The following IQGAP2 variants were observed in gnomAD, a reference collection of about 807,000 sequenced individuals.
The protein encoded by IQGAP2 is ras GTPase-activating-like protein IQGAP2.
IQGAP2 carries 173 observed loss-of-function variants against 201.3 expected under a neutral mutation model. That is an observed-to-expected ratio of 0.86 (90% CI 0.76 to 0.98). IQGAP2 has a LOEUF of 0.98. Ranked by LOEUF, IQGAP2 falls within the 50% of genes least tolerant of loss-of-function variation. The probability of loss-of-function intolerance (pLI) is 0.00; values close to 1 mark genes in which losing one functional copy is unlikely to be tolerated. For synonymous variants in IQGAP2, 675 were observed against 673.9 expected (o/e 1.00, Z -0.03); for missense variants, 1,687 against 1,864.8 (o/e 0.90, Z 1.76).
chr5:76,668,778 C>T lies in IQGAP2; in HGVS notation c.2777C>T (p.Ala926Val). 3 of 1,608,250 alleles carry T rather than the reference C, an allele frequency of 1.9e-6. No homozygotes were observed. Among genetic ancestry groups the T allele is most frequent in the Non-Finnish European group, 1.7e-6 (2 of 1,176,822 alleles). The change falls in exon 23 of 36, where the codon GCC becomes GTC. Residue 926 changes from alanine (A) to valine (V), a missense_variant. Transcript: ENST00000274364. ...GTTATTTTCACACTATATAATTATG[C>T]CTCTAATCAGCGAGAAGAATATCTA... ...DTVIFTLYNYASNQREEYLLL... is the reference protein window; with the variant it reads ...DTVIFTLYNYVSNQREEYLLL...
intron 2 of IQGAP2, among the ~76,000 whole-genome samples, chr5:76,491,241 T>C (rs1350784364): frequency 6.6e-6 from 1 of 152,186 alleles, no homozygotes; most frequent in African/African-American, 2.4e-5. Context: ...ACTGGCTCTC[T>C]GGGTGTGTTT....
Position 76,403,653 on chromosome 5 carries a change from C to G in IQGAP2, c.46+62C>G, listed in dbSNP as rs567282358. On this transcript the variant is annotated intron_variant, in intron 1 of 35. Transcript: ENST00000274364. The surrounding 1 kb of genome is among the most constrained non-coding windows in gnomAD (Gnocchi z 4.8). ...TGGGGAGCTCCCTCCCCGAGGACGGCGTTGGAGAAGCCGAGGGAGCCGGTT... is the reference window on the plus strand; with the variant it reads ...TGGGGAGCTCCCTCCCCGAGGACGGGGTTGGAGAAGCCGAGGGAGCCGGTT... 8 of 1,357,066 alleles carry G rather than the reference C, an allele frequency of 5.9e-6. No homozygotes were observed. The Admixed American group carries it at 1.9e-4, about 33-fold the overall frequency. 84.1% of individuals were successfully genotyped at this position (1,357,066 alleles called of 1,614,324 possible).
chr5:76,432,011 A>G (rs1042181107), intron 1 of IQGAP2, among the ~76,000 whole-genome samples: 1 of 151,928 alleles, frequency 6.6e-6, no homozygotes, highest in Non-Finnish European at 1.5e-5. Context: ...TTATCTCCCA[A>G]ATGGAATTAA....
chr5:76,534,970 C>T (rs1759532781), intron 2 of IQGAP2, among the ~76,000 whole-genome samples: 1 of 151,994 alleles, frequency 6.6e-6, no homozygotes, highest in African/African-American at 2.4e-5. Flanking sequence ...AGTATTTGTC[C>T]CTTGGGCAGG....
chr5:76,667,493 A>C, intron 22 of IQGAP2, among the ~76,000 whole-genome samples: 1 of 152,192 alleles, frequency 6.6e-6, no homozygotes, highest in East Asian at 1.9e-4. Flanking sequence ...TAACCTGAAC[A>C]TTATTGTTCT....
At chr5:76,472,575 C>A (rs578225168) in intron 2 of IQGAP2, among the ~76,000 whole-genome samples, 2 of 152,166 alleles carry the variant, frequency 1.3e-5, no homozygotes, top group Admixed American at 1.3e-4. Flanking sequence ...CAGCAGGACA[C>A]ATTTCGTGTT....
At chr5:76,476,798 T>G (rs1267047603) in intron 2 of IQGAP2, among the ~76,000 whole-genome samples, 1 of 152,198 alleles carries the variant, frequency 6.6e-6, no homozygotes, top group African/African-American at 2.4e-5. Flanking sequence ...ACTAATTCAT[T>G]AGCTGTGACA....
At chr5:76,658,089 A>G (rs1431413854) in intron 20 of IQGAP2, among the ~76,000 whole-genome samples, 1 of 152,092 alleles carries the variant, frequency 6.6e-6, no homozygotes, top group African/African-American at 2.4e-5. Context: ...GCTCAAGCAC[A>G]AGGTCTCAGG....
intron 21 of IQGAP2, 21 bp from the exon 22 acceptor site, chr5:76,665,005 A>T (rs1201127168): frequency 7.2e-7 from 1 of 1,379,886 alleles, no homozygotes; most frequent in Admixed American, 1.7e-5. Flanking sequence ...AAAAGGAGTA[A>T]TCTCATCAAA....
At chr5:76,677,747 G>T (rs755341466) in intron 28 of IQGAP2, among the ~76,000 whole-genome samples, 1 of 152,104 alleles carries the variant, frequency 6.6e-6, no homozygotes, top group Non-Finnish European at 1.5e-5. Flanking sequence ...GGGCAACATA[G>T]TGAGACCCCT....
intron 10 of IQGAP2, 43 bp downstream of exon 10, chr5:76,597,645 G>A (rs759078686): frequency 6.6e-5 from 106 of 1,600,410 alleles, no homozygotes; most frequent in Admixed American, 3.4e-4. Flanking sequence ...GTAACCCTGC[G>A]TGCCATGGCG....
intron 3 of IQGAP2, among the ~76,000 whole-genome samples, chr5:76,567,768 T>C (rs1744856386): frequency 6.6e-6 from 1 of 152,222 alleles, no homozygotes; most frequent in African/African-American, 2.4e-5. Context: ...CTCCTGGTTT[T>C]AAAATGCTCT....
chr5:76,488,298 C>G (rs1017464944), intron 2 of IQGAP2, among the ~76,000 whole-genome samples: 1 of 152,172 alleles, frequency 6.6e-6, no homozygotes, highest in African/African-American at 2.4e-5. Flanking sequence ...TGACATTTGT[C>G]TGTGGTATCT....
chr5:76,557,682 A>T (rs550852501), intron 2 of IQGAP2, among the ~76,000 whole-genome samples: 1 of 152,388 alleles, frequency 6.6e-6, no homozygotes, highest in Admixed American at 6.5e-5. Context: ...AAGGGATTAT[A>T]AAGAGAAAGA....
intron 1 of IQGAP2, among the ~76,000 whole-genome samples, chr5:76,434,812 A>C (rs1752563626): frequency 6.6e-6 from 1 of 152,188 alleles, no homozygotes; most frequent in Non-Finnish European, 1.5e-5. Context: ...ACTAATTTAC[A>C]TTCTCACCAG....
chr5:76,631,777 A>C, intron 14 of IQGAP2, 82 bp from the exon 15 acceptor site: 17 of 1,052,338 alleles, frequency 1.6e-5, no homozygotes, highest in South Asian at 2.0e-5. Context: ...ATGCATTCCT[A>C]AAACGTTGAA....
At chr5:76,618,646 T>G (rs1340661614) in intron 13 of IQGAP2, 1 of 1,602,496 alleles carries the variant, frequency 6.2e-7, no homozygotes, top group Non-Finnish European at 8.5e-7. Context: ...TCCATGCCTG[T>G]AATTGAAAGA....
chr5:76,559,884 G>C (rs1744239585), intron 2 of IQGAP2, among the ~76,000 whole-genome samples: 1 of 152,110 alleles, frequency 6.6e-6, no homozygotes, highest in African/African-American at 2.4e-5. Flanking sequence ...CCTCCAATGG[G>C]AACGCATCTT....
chr5:76,606,775 C>T (rs918514863), intron 12 of IQGAP2: 5 of 152,196 alleles, frequency 3.3e-5, no homozygotes, highest in African/African-American at 1.2e-4. Flanking sequence ...TATGAGCTGC[C>T]AGCATGAAAG....
Sources: gnomAD v4.1 joint callset for allele counts (sites outside exome capture counted in the v4.1 genomes callset) on GRCh38, gnomAD v4.1.1 for gene constraint, Gnocchi (gnomAD v3.1) non-coding constraint, MANE v1.5 for transcripts, NCBI Gene and HGNC (gene_info 2026-07-23, HGNC 2026-07-21) for gene names.